The following TRHDE variants were observed in gnomAD, a reference collection of about 807,000 sequenced individuals.
TRHDE encodes thyrotropin-releasing hormone-degrading ectoenzyme.
A neutral mutation model predicts 125.7 loss-of-function variants in TRHDE; 72 were observed. The ratio of observed to expected loss-of-function variants is 0.57; its 90% CI spans 0.47 to 0.70. The LOEUF (loss-of-function observed/expected upper bound fraction) is 0.70, where lower values mean the gene tolerates loss of function less well. TRHDE is among the 30% of genes least tolerant of loss of function. The pLI, the probability that TRHDE is intolerant of heterozygous loss-of-function variation, is 0.00. For synonymous variants in TRHDE, 509 were observed against 509.1 expected (o/e 1.00, Z 0.00); for missense variants, 1,110 against 1,327.1 (o/e 0.84, Z 2.54).
chr12:72,100,831 A>G (rs6582085), intron 1 of TRHDE, among the ~76,000 whole-genome samples: 109,596 of 152,060 alleles, frequency 0.72, 40,655 homozygotes, highest in Non-Finnish European at 0.81. Context: ...CACATATATG[A>G]CAGGGTTATG....
intron 2 of TRHDE, among the ~76,000 whole-genome samples, chr12:72,199,192 CT>C (rs1374774586): frequency 6.6e-6 from 1 of 152,108 alleles, no homozygotes; most frequent in Non-Finnish European, 1.5e-5. Context: ...CATCCCTTTC[CT>C]TTGACTGGAG....
intron 1 of TRHDE, among the ~76,000 whole-genome samples, chr12:72,281,179 T>A (rs955500626): frequency 6.6e-6 from 1 of 152,166 alleles, no homozygotes; most frequent in South Asian, 2.1e-4. Flanking sequence ...TTTACTCCAA[T>A]GGTTATTTAA....
chr12:72,649,860 T>A (rs1874433984), intron 15 of TRHDE, among the ~76,000 whole-genome samples: 1 of 151,818 alleles, frequency 6.6e-6, no homozygotes, highest in East Asian at 1.9e-4. Flanking sequence ...ATAGCTATTA[T>A]CAAAAAAAAC....
chr12:72,434,417 A>G (rs1874647073), intron 3 of TRHDE, among the ~76,000 whole-genome samples: 2 of 150,872 alleles, frequency 1.3e-5, no homozygotes, highest in Non-Finnish European at 2.9e-5. Context: ...AAAGTTTATC[A>G]TATGTCTTTG....
intron 2 of TRHDE, among the ~76,000 whole-genome samples, chr12:72,150,502 C>G (rs952603808): frequency 6.7e-6 from 1 of 149,876 alleles, no homozygotes; most frequent in Non-Finnish European, 1.5e-5. Flanking sequence ...CACCCATTAA[C>G]TCGTCATTTA....
At chr12:72,562,759 G>T in intron 8 of TRHDE, 94 bp from the exon 9 acceptor site, 1 of 781,984 alleles carries the variant, frequency 1.3e-6, no homozygotes, top group Non-Finnish European at 1.9e-6. Flanking sequence ...TCATATTTAG[G>T]TAAATAGTAA....
chr12:72,251,857 AC>A (rs1878694029), intron 2 of TRHDE, among the ~76,000 whole-genome samples: 1 of 152,018 alleles, frequency 6.6e-6, no homozygotes, highest in African/African-American at 2.4e-5. Context: ...AAACATTTTA[AC>A]CATTCTGATT....
intron 10 of TRHDE, among the ~76,000 whole-genome samples, chr12:72,573,185 T>C (rs1042746517): frequency 3.3e-5 from 5 of 151,896 alleles, no homozygotes; most frequent in African/African-American, 1.2e-4. Context: ...AATATTTAAG[T>C]TTCAATTTTC....
intron 15 of TRHDE, among the ~76,000 whole-genome samples, chr12:72,645,016 C>T (rs188396724): frequency 8.5e-5 from 13 of 152,264 alleles, no homozygotes; most frequent in African/African-American, 3.1e-4. Flanking sequence ...GGGTGAGTAT[C>T]TTCTTCTGTA....
chr12:72,232,490 T>C (rs746516365), intron 2 of TRHDE, among the ~76,000 whole-genome samples: 4 of 152,056 alleles, frequency 2.6e-5, no homozygotes, highest in Non-Finnish European at 5.9e-5. Flanking sequence ...TTTTTAAGAA[T>C]TGACTACATC....
intron 3 of TRHDE, among the ~76,000 whole-genome samples, chr12:72,386,903 G>A (rs926141739): frequency 2.0e-5 from 3 of 151,878 alleles, no homozygotes; most frequent in Non-Finnish European, 4.4e-5. Context: ...CTACCCATTG[G>A]CCACTCTTTC....
intron 3 of TRHDE, among the ~76,000 whole-genome samples, chr12:72,449,791 G>A (rs1875483716): frequency 6.6e-6 from 1 of 151,926 alleles, no homozygotes; most frequent in African/African-American, 2.4e-5. Flanking sequence ...TCCTTTACTA[G>A]CAATAAATGG....
At chr12:72,261,453 A>C (rs991832682) in intron 2 of TRHDE, among the ~76,000 whole-genome samples, 1 of 152,194 alleles carries the variant, frequency 6.6e-6, no homozygotes, top group African/African-American at 2.4e-5. Flanking sequence ...TAAAGAAATG[A>C]TAGATTACTC....
intron 2 of TRHDE, among the ~76,000 whole-genome samples, chr12:72,298,700 C>T (rs1056687383): frequency 6.6e-6 from 1 of 152,084 alleles, no homozygotes; most frequent in Non-Finnish European, 1.5e-5. Context: ...AGAGGGGAAC[C>T]ATTGAAGGAT....
rs17110937 is a variant in TRHDE, at chr12:72,215,957, G to A, written n.279+110205G>A. ...TGGGCTATAGATTTAGTTGGAAAAA[G>A]TTGGGGTATTGTAACAAGACAAAGC... On this transcript the variant is annotated intron_variant and non_coding_transcript_variant, in intron 2 of 4. Coordinates refer to the TRHDE transcript ENST00000548156. Among the ~76,000 whole-genome samples, 1,164 of 152,296 alleles carry A rather than the reference G, an allele frequency of 7.6e-3. 50 individuals are homozygous for A. The East Asian group carries it at 0.13, about 17-fold the overall frequency.
chr12:72,134,653 A>G (rs1875941028), intron 2 of TRHDE, among the ~76,000 whole-genome samples: 1 of 152,164 alleles, frequency 6.6e-6, no homozygotes, highest in Non-Finnish European at 1.5e-5. Flanking sequence ...CTTAAAAAGA[A>G]GAGAAAGGGA....
chr12:72,274,362 A>G (rs1879399353), intron 1 of TRHDE: 1 of 152,140 alleles, frequency 6.6e-6, no homozygotes, highest in African/African-American at 2.4e-5. Flanking sequence ...CGCGTTTTAC[A>G]TTTGTGTAGT....
chr12:72,321,499 C>T (rs1869094066), intron 2 of TRHDE, among the ~76,000 whole-genome samples: 1 of 152,136 alleles, frequency 6.6e-6, no homozygotes, highest in Admixed American at 6.6e-5. Flanking sequence ...ACCATTTCTG[C>T]TCTGGAAAGT....
chr12:72,506,030 G>T, intron 6 of TRHDE, among the ~76,000 whole-genome samples: 1 of 152,156 alleles, frequency 6.6e-6, no homozygotes, highest in East Asian at 1.9e-4. Flanking sequence ...CGGGCATGAT[G>T]GCTCATGCCT....
Sources: gnomAD v4.1 joint callset for allele counts (sites outside exome capture counted in the v4.1 genomes callset) on GRCh38, gnomAD v4.1.1 for gene constraint, MANE v1.5 for transcripts, NCBI Gene and HGNC (gene_info 2026-07-23, HGNC 2026-07-21) for gene names.